Variants in CHST11 observed in about 807,000 individuals in gnomAD.
CHST11 encodes carbohydrate sulfotransferase 11.
CHST11 carries 9 observed loss-of-function variants against 30.4 expected under a neutral mutation model. The observed-to-expected ratio is 0.30, with a 90% CI of 0.18 to 0.52. CHST11 has a LOEUF of 0.52. Among genes scored for constraint, CHST11 ranks in the 20% least tolerant of loss-of-function variants. The pLI is 0.97. For missense variants in CHST11, 348 were observed against 460.6 expected, an observed-to-expected ratio of 0.76 and a Z score of 2.24; for synonymous variants, 152 against 187.8, an observed-to-expected ratio of 0.81 and a Z score of 1.56.
intron 1 of CHST11, among the ~76,000 whole-genome samples, chr12:104,484,967 G>T (rs529256701): frequency 6.6e-6 from 1 of 152,192 alleles, no homozygotes; most frequent in Admixed American, 6.5e-5. Flanking sequence ...CACGGGTGCC[G>T]TCTGGGGAGT....
In CHST11 at chr12:104,706,918, T is replaced by C. The variant is rs2040040658; in HGVS notation, c.205-50031T>C. ...AGGAGAGAAGGGGTCGGGAGGAGGA[T>C]GGGATCACAGCGAGGCTCTGAATTG... On this transcript the variant is annotated intron_variant, in intron 2 of 2. Transcript: ENST00000303694. Among the ~76,000 whole-genome samples the C allele has an allele frequency of 2.0e-5, 3 of 152,028 alleles. No homozygotes were observed. The South Asian group carries it at 6.2e-4, about 32-fold the overall frequency.
Position 104,457,427 on chromosome 12 carries a change from C to G in CHST11, c.16C>G (p.Leu6Val). Residue 6 changes from leucine to valine, a missense_variant, in exon 1 of 3, where the codon CTG becomes GTG. This residue lies in a region of CHST11 where 135 missense variants were observed against 155.8 expected (regional missense o/e 0.87). Transcript: ENST00000303694. MKPAL[L>V]EVMRMNRICR... ...GGACAAAGCCATGAAGCCAGCGCTG[C>G]TGGAAGTGATGAGGATGAACAGAAT... 1 of 1,613,860 alleles carries G rather than the reference C, an allele frequency of 6.2e-7. No individual in the cohort carries two copies. The highest frequency in any genetic ancestry group is 8.5e-7 in the Non-Finnish European group (1 of 1,179,710).
At chr12:104,658,890 A>C (rs1045750099) in intron 2 of CHST11, among the ~76,000 whole-genome samples, 1 of 152,256 alleles carries the variant, frequency 6.6e-6, no homozygotes, top group Non-Finnish European at 1.5e-5. Flanking sequence ...TGAGGCACAG[A>C]GAGATTTAGT....
At chr12:104,651,574 C>T (rs868645064) in intron 2 of CHST11, among the ~76,000 whole-genome samples, 14 of 152,168 alleles carry the variant, frequency 9.2e-5, no homozygotes, top group African/African-American at 3.1e-4. Flanking sequence ...GGGGGCCAGT[C>T]CTGCTTAGGA....
chr12:104,587,725 G>T (rs1355427053), intron 1 of CHST11, among the ~76,000 whole-genome samples: 1 of 151,950 alleles, frequency 6.6e-6, no homozygotes, highest in South Asian at 2.1e-4. Context: ...GAAATCTAAT[G>T]CCTCAAACTT....
chr12:104,689,654 A>T (rs1022820556), intron 2 of CHST11, among the ~76,000 whole-genome samples: 2 of 152,154 alleles, frequency 1.3e-5, no homozygotes, highest in African/African-American at 4.8e-5. Context: ...GAAGTTAGAG[A>T]CGGGGTTGGG....
intron 2 of CHST11, among the ~76,000 whole-genome samples, chr12:104,745,742 C>T (rs2040384711): frequency 6.6e-6 from 1 of 152,102 alleles, no homozygotes; most frequent in South Asian, 2.1e-4. Flanking sequence ...CTTGACTTGA[C>T]TATTGTTGGT....
intron 1 of CHST11, 71 bp from the exon 2 acceptor site, chr12:104,601,835 G>A: frequency 8.0e-7 from 1 of 1,252,930 alleles, no homozygotes; most frequent in Non-Finnish European, 1.2e-6. Flanking sequence ...TCCCTACTCT[G>A]TGCCTTTTTC....
intron 1 of CHST11, among the ~76,000 whole-genome samples, chr12:104,462,765 A>C (rs1039863656): frequency 6.6e-6 from 1 of 152,206 alleles, no homozygotes; most frequent in African/African-American, 2.4e-5. Context: ...ACTACTATGT[A>C]CCTATAAAAA....
intron 1 of CHST11, among the ~76,000 whole-genome samples, chr12:104,598,521 C>T (rs1331337714): frequency 6.6e-6 from 1 of 152,184 alleles, no homozygotes; most frequent in Non-Finnish European, 1.5e-5. Context: ...GTGGGGAAGT[C>T]TTATTAAAAT....
At chr12:104,523,207 G>C (rs975518423) in intron 1 of CHST11, among the ~76,000 whole-genome samples, 5 of 152,206 alleles carry the variant, frequency 3.3e-5, no homozygotes, top group African/African-American at 4.8e-5. Context: ...TCCACATTGA[G>C]TTTCCTATCT....
At chr12:104,705,585 T>C (rs1390108775) in intron 2 of CHST11, among the ~76,000 whole-genome samples, 2 of 152,052 alleles carry the variant, frequency 1.3e-5, no homozygotes, top group African/African-American at 4.8e-5. Flanking sequence ...AAGCGAAATA[T>C]TAATATATAG....
intron 2 of CHST11, among the ~76,000 whole-genome samples, chr12:104,752,596 C>T (rs1275656513): frequency 1.3e-5 from 2 of 152,162 alleles, no homozygotes; most frequent in Non-Finnish European, 2.9e-5. Context: ...GCCGCGATCG[C>T]GGCTCATTGC....
chr12:104,457,112 A>C lies in CHST11; in HGVS notation c.-300A>C. On this transcript the variant is annotated 5_prime_UTR_variant, in exon 1 of 3. Coordinates refer to ENST00000303694, the MANE Select transcript of CHST11 (RefSeq NM_018413.6). The stretch of plus-strand genomic sequence containing the variant: ...CACCCCAGCCGCCCGGCCCGCGACC[A>C]GGCAGCGGCGGCCGCCGGCGGGATC... The C allele has an allele frequency of 4.3e-6, 1 of 234,438 alleles. No homozygotes were observed. Among genetic ancestry groups the C allele is most frequent in the Non-Finnish European group, 8.2e-6 (1 of 121,656 alleles). The allele number at this position is 234,438 out of a possible 1,614,324, so 14.5% of individuals were successfully genotyped here.
chr12:104,488,820 G>C (rs898259301), intron 1 of CHST11, among the ~76,000 whole-genome samples: 2 of 151,692 alleles, frequency 1.3e-5, no homozygotes, highest in Non-Finnish European at 2.9e-5. Flanking sequence ...GTGTTAGTTT[G>C]CTAGGGCTGC....
At position 104,737,702 on chromosome 12, in the gene CHST11, C is replaced by T. The variant is rs914146766; in HGVS notation, c.205-19247C>T. On this transcript the variant is annotated intron_variant, in intron 2 of 2. Coordinates refer to ENST00000303694, the MANE Select transcript of CHST11 (RefSeq NM_018413.6). The stretch of plus-strand genomic sequence containing the variant: ...GGAGGTATTTCTGACTCCTCTTGAG[C>T]GCCTGTGGTTTTGATGTTTTTCAAA... Among the ~76,000 whole-genome samples the T allele has an allele frequency of 5.3e-5, 8 of 152,250 alleles. No homozygotes were observed. In the East Asian group the frequency reaches 1.2e-3, roughly 22 times the overall value.
chr12:104,612,728 T>C (rs760979334), intron 2 of CHST11, among the ~76,000 whole-genome samples: 4 of 152,198 alleles, frequency 2.6e-5, no homozygotes, highest in Non-Finnish European at 5.9e-5. Context: ...GGAACTCCTG[T>C]GCACTGTTGG....
chr12:104,723,276 C>T (rs2136127905), intron 2 of CHST11, among the ~76,000 whole-genome samples: 1 of 152,276 alleles, frequency 6.6e-6, no homozygotes, highest in East Asian at 1.9e-4. Context: ...CTTAAAATCG[C>T]TGATGAGAAA....
intron 2 of CHST11, among the ~76,000 whole-genome samples, chr12:104,716,550 C>T (rs2040132839): frequency 6.6e-6 from 1 of 152,218 alleles, no homozygotes; most frequent in African/African-American, 2.4e-5. Flanking sequence ...AAATTAGTGT[C>T]CACTTTTGGC....
Sources: allele counts gnomAD v4.1 joint callset (sites outside exome capture counted in the v4.1 genomes callset), GRCh38; gene constraint gnomAD v4.1.1; regional missense constraint gnomAD v4.1.1; transcripts MANE v1.5; gene names NCBI Gene and HGNC (gene_info 2026-07-23, HGNC 2026-07-21).